Variants in TSPAN7 observed in about 807,000 individuals in gnomAD.
TSPAN7 encodes tetraspanin 7.
A neutral mutation model predicts 17.6 loss-of-function variants in TSPAN7; 1 was observed. That is an observed-to-expected ratio of 0.06 (90% CI 0.02 to 0.27). TSPAN7 has a LOEUF of 0.27. Ranked by LOEUF, TSPAN7 falls within the 10% of genes least tolerant of loss-of-function variation. The pLI, the probability that TSPAN7 is intolerant of heterozygous loss-of-function variation, is 1.00. For missense variants in TSPAN7, 112 were observed against 201.7 expected (o/e 0.56, Z 2.69); for synonymous variants, 78 against 79.0 (o/e 0.99, Z 0.07).
At chrX:38,652,760 C>T (rs1286946404) in intron 1 of TSPAN7, among the ~76,000 whole-genome samples, 1 of 112,125 alleles carries the variant, frequency 8.9e-6, no homozygotes, top group Non-Finnish European at 1.9e-5. Flanking sequence ...CTGTAGAGTC[C>T]GTTTCTTCCC....
At chrX:38,562,708 T>C (rs1469475579) in intron 1 of TSPAN7, among the ~76,000 whole-genome samples, 2 of 111,436 alleles carry the variant, frequency 1.8e-5, no homozygotes, top group South Asian at 3.8e-4. Context: ...GACCATTCCC[T>C]GTTATTTCTC....
intron 1 of TSPAN7, among the ~76,000 whole-genome samples, chrX:38,604,116 T>C (rs1203309438): frequency 1.7e-4 from 17 of 98,101 alleles, no homozygotes; most frequent in African/African-American, 6.3e-4. Context: ...AGTGAGAATA[T>C]GCGGTGTTTG....
At chrX:38,563,576 T>C (rs1602079624) in intron 1 of TSPAN7, among the ~76,000 whole-genome samples, 1 of 110,734 alleles carries the variant, frequency 9.0e-6, no homozygotes, top group East Asian at 2.8e-4. Flanking sequence ...AAGAAGGGGG[T>C]CTTCCAGGCT....
At chrX:38,570,468 C>A (rs1445352670) in intron 1 of TSPAN7, among the ~76,000 whole-genome samples, 1 of 111,510 alleles carries the variant, frequency 9.0e-6, no homozygotes, top group Admixed American at 9.5e-5. Context: ...CCATTCTAAT[C>A]ACAACTAGAG....
At chrX:38,602,529 C>T (rs1364476740) in intron 1 of TSPAN7, among the ~76,000 whole-genome samples, 1 of 111,506 alleles carries the variant, frequency 9.0e-6, no homozygotes, top group African/African-American at 3.3e-5. Context: ...GGGATATTTA[C>T]AAAGAAGAAA....
Position 38,675,779 on chromosome X carries a change from C to G in TSPAN7, c.516C>G (p.Pro172=). The change falls in exon 5 of 8, where the codon CCC becomes CCG. Residue 172 remains proline, a synonymous_variant. Coordinates refer to ENST00000378482, the MANE Select transcript of TSPAN7 (RefSeq NM_004615.4). ...SPYFLEHGIP[P]SCCMNETDCN... ...ACTTCCTGGAGCATGGCATCCCCCC[C>G]AGCTGCTGCATGAACGAAACTGATT... 2.5e-6 allele frequency: 3 copies of G among 1,211,305 alleles called. No individual in the cohort carries two copies. The highest frequency in any genetic ancestry group is 3.5e-5 in the African/African-American group (2 of 57,691).
At chrX:38,678,795 A>T (rs1256097571) in intron 5 of TSPAN7, among the ~76,000 whole-genome samples, 2 of 112,578 alleles carry the variant, frequency 1.8e-5, no homozygotes, top group African/African-American at 6.5e-5. Flanking sequence ...GGAGTAAAAA[A>T]TAATGAGAAA....
At chrX:38,572,837 T>G (rs2069176173) in intron 1 of TSPAN7, among the ~76,000 whole-genome samples, 1 of 111,942 alleles carries the variant, frequency 8.9e-6, no homozygotes, top group Non-Finnish European at 1.9e-5. Context: ...GACTTCTAGC[T>G]CCTCCAGATT....
chrX:38,600,040 C>A (rs2069337638), intron 1 of TSPAN7, among the ~76,000 whole-genome samples: 1 of 111,597 alleles, frequency 9.0e-6, no homozygotes, highest in South Asian at 3.7e-4. Flanking sequence ...AGTTTTAAGG[C>A]ACTTTAGATT....
Position 38,675,558 on chromosome X carries a change from A to G in TSPAN7, c.442-147A>G, listed in dbSNP as rs755174366. The G allele has an allele frequency of 2.6e-5, 16 of 626,892 alleles. No individual in the cohort carries two copies. In the African/African-American group the frequency reaches 2.9e-4, roughly 11 times the overall value. 51.7% of individuals were successfully genotyped at this position (626,892 alleles called of 1,213,427 possible). A position where few individuals can be genotyped will look rare whatever the true frequency, so the allele number is the denominator to read the frequency against. ...TCAATATGGGTATAATTGTTATTGGAGCTTCCATTCATCTTGACTCACCAA... is the reference window on the plus strand; with the variant it reads ...TCAATATGGGTATAATTGTTATTGGGGCTTCCATTCATCTTGACTCACCAA... On this transcript the variant is annotated intron_variant, in intron 4 of 7. Transcript: ENST00000378482.
intron 1 of TSPAN7, among the ~76,000 whole-genome samples, chrX:38,627,164 G>A (rs1206126543): frequency 1.8e-5 from 2 of 111,962 alleles, no homozygotes; most frequent in Non-Finnish European, 3.8e-5. Flanking sequence ...AAGAAGAGGT[G>A]CAGAATTGGG....
chrX:38,671,231 C>A, intron 2 of TSPAN7, 145 bp from the exon 3 acceptor site: 1 of 588,738 alleles, frequency 1.7e-6, no homozygotes, highest in Admixed American at 2.5e-5. Flanking sequence ...AATTTAGAGA[C>A]GAATGTTTTA....
rs1293818212 is a variant in TSPAN7 at position 38,681,291 on chromosome X, G to GC, written c.681+6dup. 8.3e-7 allele frequency: 1 copy of GC among 1,202,240 alleles called. No individual in the cohort carries two copies. Among genetic ancestry groups the GC allele is most frequent in the Admixed American group, 2.2e-5 (1 of 46,037 alleles). ...GTTTGGAATCGCATTCTCCCAGGTAGCCTACATAATTGTGCAGAACCTGGT... is the reference window on the plus strand; with the variant it reads ...GTTTGGAATCGCATTCTCCCAGGTAGCCCTACATAATTGTGCAGAACCTGGT... On this transcript the variant is annotated splice_donor_region_variant and intron_variant, in intron 6 of 7. Coordinates refer to ENST00000378482, the MANE Select transcript of TSPAN7 (RefSeq NM_004615.4).
intron 1 of TSPAN7, among the ~76,000 whole-genome samples, chrX:38,641,976 A>C (rs1165762281): frequency 8.9e-6 from 1 of 112,005 alleles, no homozygotes; most frequent in Non-Finnish European, 1.9e-5. Context: ...AAAGTATAAA[A>C]TCATTATTTC....
intron 1 of TSPAN7, among the ~76,000 whole-genome samples, chrX:38,645,319 C>G (rs1348853569): frequency 8.9e-6 from 1 of 112,107 alleles, no homozygotes; most frequent in Non-Finnish European, 1.9e-5. Flanking sequence ...CCACAGTAAT[C>G]CTATGGTAGA....
At chrX:38,640,386 T>C (rs979713006) in intron 1 of TSPAN7, among the ~76,000 whole-genome samples, 2 of 112,037 alleles carry the variant, frequency 1.8e-5, no homozygotes, top group Non-Finnish European at 3.8e-5. Context: ...GATTGCATCT[T>C]ATTGTGTTTA....
chrX:38,673,082 T>C (rs2069831179), intron 3 of TSPAN7, among the ~76,000 whole-genome samples: 1 of 112,020 alleles, frequency 8.9e-6, no homozygotes, highest in Admixed American at 9.5e-5. Context: ...CTGGTATCTC[T>C]ATCTCTTGTA....
At chrX:38,637,211 G>GT (rs776438736) in intron 1 of TSPAN7, among the ~76,000 whole-genome samples, 1 of 111,740 alleles carries the variant, frequency 8.9e-6, no homozygotes, top group Non-Finnish European at 1.9e-5. Context: ...GGGTATTCTA[G>GT]TGGGCAGATT....
chrX:38,588,896 T>A (rs749469352), intron 1 of TSPAN7, among the ~76,000 whole-genome samples: 1 of 111,510 alleles, frequency 9.0e-6, no homozygotes, highest in African/African-American at 3.3e-5. Context: ...TGATCCCAGT[T>A]TATCATTGTA....
Sources: gnomAD v4.1 joint callset for allele counts (sites outside exome capture counted in the v4.1 genomes callset) on GRCh38, gnomAD v4.1.1 for gene constraint, MANE v1.5 for transcripts, NCBI Gene and HGNC (gene_info 2026-07-23, HGNC 2026-07-21) for gene names.